Variants in SMG1 observed in about 807,000 individuals in gnomAD.
SMG1 encodes serine/threonine-protein kinase SMG1.
A neutral mutation model predicts 419.9 loss-of-function variants in SMG1; 22 were observed. That is an observed-to-expected ratio of 0.05 (90% CI 0.04 to 0.07). The LOEUF (loss-of-function observed/expected upper bound fraction) is 0.07, where lower values mean the gene tolerates loss of function less well. SMG1 is among the 10% of genes least tolerant of loss of function. The pLI, the probability that SMG1 is intolerant of heterozygous loss-of-function variation, is 1.00. For synonymous variants in SMG1, 1,538 were observed against 1,553.5 expected (o/e 0.99, Z 0.23); for missense variants, 3,185 against 4,342.0 (o/e 0.73, Z 7.49).
intron 1 of SMG1, among the ~76,000 whole-genome samples, chr16:18,911,996 G>C (rs1209871251): frequency 1.3e-5 from 2 of 150,688 alleles, no homozygotes; most frequent in African/African-American, 4.9e-5. Context: ...CAGGAGAATC[G>C]CTTGAACCCG....
rs71141088 is a variant in SMG1, at chr16:18,891,437, CT to C, written c.550-517del. On this transcript the variant is annotated intron_variant, in intron 4 of 62. Transcript: ENST00000446231. ...ATTTTCTCCTGCTCATTATCAAGTT[CT>C]TTTTTTTTTTTTTCAAGATGGAGTT... Among the ~76,000 whole-genome samples, 534 of 142,444 alleles carry C rather than the reference CT, an allele frequency of 3.7e-3. 2 individuals are homozygous for C. The highest frequency in any genetic ancestry group is 9.3e-3 in the African/African-American group (356 of 38,460). 93.4% of individuals were successfully genotyped at this position (142,444 alleles called of 152,430 possible).
intron 39 of SMG1, among the ~76,000 whole-genome samples, chr16:18,842,806 T>A (rs905141739): frequency 4.6e-5 from 7 of 152,266 alleles, no homozygotes; most frequent in Admixed American, 2.0e-4. Flanking sequence ...TGCCAGCCTG[T>A]GTGAGAGAGG....
At chr16:18,863,877 G>A in intron 24 of SMG1, 26 bp from the exon 25 acceptor site, 1 of 1,588,232 alleles carries the variant, frequency 6.3e-7, no homozygotes, top group South Asian at 1.1e-5. Context: ...AAAATAAGAA[G>A]AGAGAGATTC....
At chr16:18,889,634 T>C in intron 5 of SMG1, 49 bp from the exon 6 acceptor site, 1 of 520,408 alleles carries the variant, frequency 1.9e-6, no homozygotes, top group Non-Finnish European at 3.5e-6. Context: ...AGGCTTAAGT[T>C]TTCTATGATG....
At chr16:18,826,917 TGGGCGTAGGACCC>T (rs2032721446) in intron 55 of SMG1, among the ~76,000 whole-genome samples, 1 of 56,940 alleles carries the variant, frequency 1.8e-5, no homozygotes, top group Non-Finnish European at 4.0e-5. Flanking sequence ...CGAGATTCCG[TGGGCGTAGGACCC>T]TCTGAGCCAG....
intron 25 of SMG1, among the ~76,000 whole-genome samples, chr16:18,862,823 T>G (rs1596542576): frequency 1.3e-5 from 2 of 152,340 alleles, no homozygotes; most frequent in Admixed American, 1.3e-4. Context: ...AAGGCACTCC[T>G]AAACACAGAG....
At chr16:18,912,707 G>C (rs1057073138) in intron 1 of SMG1, among the ~76,000 whole-genome samples, 1 of 151,890 alleles carries the variant, frequency 6.6e-6, no homozygotes, top group African/African-American at 2.4e-5. Flanking sequence ...TATAATTTTA[G>C]TATTCTCAAA....
Position 18,828,097 on chromosome 16 carries a change from G to T in SMG1, c.9675C>A (p.Ile3225=). 1 of 1,613,652 alleles carries T rather than the reference G, an allele frequency of 6.2e-7. No homozygotes were observed. The highest frequency in any genetic ancestry group is 8.5e-7 in the Non-Finnish European group (1 of 1,179,702). Residue 3225 remains isoleucine, a synonymous_variant, in exon 55 of 63, where the codon ATC becomes ATA. Coordinates refer to ENST00000446231, the MANE Select transcript of SMG1 (RefSeq NM_015092.5). ...MSVTPPPRSA[I]LTSMKKKLHT... is the part of the protein sequence containing the mutation. ...GCAGCTTCTTTTTCATGCTGGTTAG[G>T]ATAGCAGACCGTGGGGGAGGTGTGA... is the stretch of plus-strand genomic sequence containing the variant.
intron 1 of SMG1, among the ~76,000 whole-genome samples, chr16:18,908,683 T>A (rs143652935): frequency 0.022 from 3,308 of 150,946 alleles, 52 homozygotes; most frequent in Non-Finnish European, 0.032. Context: ...ATCAAGACCA[T>A]CCTGGCTAAC....
intron 11 of SMG1, chr16:18,878,092 A>G (rs1325562071): frequency 6.6e-6 from 1 of 152,122 alleles, no homozygotes; most frequent in Non-Finnish European, 1.5e-5. Context: ...TGAGGGGAGG[A>G]TATTTATGGT....
chr16:18,829,412 T>C lies in SMG1; in HGVS notation c.9477A>G (p.Ala3159=). ...GKFSQLVMNR[A]TVLASSYDTA... is the part of the protein sequence containing the mutation. ...TGTCGTAAGAACTTGCTAACACAGTTGCCCTGTTCATAACCAGCTGAGAGA... is the reference window on the plus strand; with the variant it reads ...TGTCGTAAGAACTTGCTAACACAGTCGCCCTGTTCATAACCAGCTGAGAGA... The change falls in exon 54 of 63, where the codon GCA becomes GCG. Residue 3159 remains alanine, a synonymous_variant. Transcript: ENST00000446231. The C allele has an allele frequency of 6.2e-7, 1 of 1,614,056 alleles. No homozygotes were observed. Among genetic ancestry groups the C allele is most frequent in the Non-Finnish European group, 8.5e-7 (1 of 1,179,894 alleles).
At chr16:18,899,237 C>G (rs183601760) in intron 1 of SMG1, among the ~76,000 whole-genome samples, 70 of 152,216 alleles carry the variant, frequency 4.6e-4, no homozygotes, top group Non-Finnish European at 9.0e-4. Context: ...TTTCCAACTA[C>G]GAAGCATCTG....
At chr16:18,874,515 A>G (rs62046322) in intron 13 of SMG1, among the ~76,000 whole-genome samples, 10,318 of 149,890 alleles carry the variant, frequency 0.069, 372 homozygotes, top group African/African-American at 0.091. Context: ...TACACAAACC[A>G]TAAACAATAA....
intron 39 of SMG1, among the ~76,000 whole-genome samples, chr16:18,844,291 T>C (rs939665884): frequency 2.0e-5 from 3 of 151,734 alleles, no homozygotes; most frequent in Non-Finnish European, 4.4e-5. Flanking sequence ...TAGCCAAGCA[T>C]GGTGGTGTGT....
Position 18,847,817 on chromosome 16 carries a change from T to C in SMG1, c.5840A>G (p.Gln1947Arg). ...TACAACATGTGAGTTTCTTTGTACCTGTAATACCATGGTGGGGTTTGCAGA... is the reference window on the plus strand; with the variant it reads ...TACAACATGTGAGTTTCTTTGTACCCGTAATACCATGGTGGGGTTTGCAGA... ...LSSANPTMVL[Q>R]VQMLVAELRR... Residue 1947 changes from glutamine to arginine, a missense_variant and splice_region_variant, in exon 37 of 63, where the codon CAG becomes CGG. Around this residue, in one of 27 missense-constraint regions of SMG1, gnomAD observed 130 missense variants for 162.0 expected, o/e 0.80. Coordinates refer to ENST00000446231, the MANE Select transcript of SMG1 (RefSeq NM_015092.5). 2 of 1,613,444 alleles carry C rather than the reference T, an allele frequency of 1.2e-6. No homozygotes were observed. Among genetic ancestry groups the C allele is most frequent in the Non-Finnish European group, 1.7e-6 (2 of 1,179,616 alleles).
chr16:18,866,676 T>G lies in SMG1; in HGVS notation c.3295A>C (p.Ile1099Leu). The G allele has an allele frequency of 6.3e-7, 1 of 1,594,904 alleles. No individual in the cohort carries two copies. Among genetic ancestry groups the G allele is most frequent in the South Asian group, 1.1e-5 (1 of 90,948 alleles). Reference sequence around the variant, plus strand: ...ATCCACAGAAGATTTTTTCCAACAATAGATGATGACCAGACAGCAATTCCC... The same window carrying G: ...ATCCACAGAAGATTTTTTCCAACAAGAGATGATGACCAGACAGCAATTCCC... The part of the protein sequence containing the change: ...IQGIAVWSSS[I>L]VGKNLLWINS... Residue 1099 changes from isoleucine to leucine, a missense_variant, in exon 23 of 63, where the codon ATT (isoleucine) becomes CTT (leucine). This residue lies in a region of SMG1 where 121 missense variants were observed against 125.4 expected (regional missense o/e 0.96). Coordinates refer to ENST00000446231, the MANE Select transcript of SMG1 (RefSeq NM_015092.5).
chr16:18,838,854 G>A (rs1454496818), intron 42 of SMG1, among the ~76,000 whole-genome samples, 165 bp from the exon 43 acceptor site: 1 of 152,172 alleles, frequency 6.6e-6, no homozygotes, highest in Non-Finnish European at 1.5e-5. Context: ...ATGTGGTTAT[G>A]CAGGCATACA....
intron 55 of SMG1, among the ~76,000 whole-genome samples, chr16:18,820,520 G>C (rs2032432872): frequency 6.6e-6 from 1 of 152,146 alleles, no homozygotes; most frequent in Admixed American, 6.5e-5. Context: ...ATGAACAATG[G>C]TAAAAATCCA....
chr16:18,910,233 T>C (rs1199616869), intron 1 of SMG1, among the ~76,000 whole-genome samples: 1 of 80,508 alleles, frequency 1.2e-5, no homozygotes, highest in African/African-American at 5.2e-5. Flanking sequence ...TGCCCAGCTA[T>C]TTTTTTTTTT....
Sources: gnomAD v4.1 joint callset for allele counts (sites outside exome capture counted in the v4.1 genomes callset) on GRCh38, gnomAD v4.1.1 for gene constraint, gnomAD v4.1.1 regional missense constraint, MANE v1.5 for transcripts, NCBI Gene and HGNC (gene_info 2026-07-23, HGNC 2026-07-21) for gene names.